Variants in SKIC8 observed in about 807,000 individuals in gnomAD.
SKIC8 encodes the protein superkiller complex protein 8.
At chr15:78,292,628 C>G in the SKIC8 span, 1 of 1,614,188 alleles carries the variant, frequency 6.2e-7, no homozygotes, top group South Asian at 1.1e-5. Context: ...GGTCCTGCAT[C>G]TATGGACTTT....
At chr15:78,295,090 CT>C in the SKIC8 span, 1 of 1,231,320 alleles carries the variant, frequency 8.1e-7, no homozygotes, top group Non-Finnish European at 1.2e-6. Context: ...GTTACTTCCT[CT>C]GCTGTCAACC....
the SKIC8 span, among the ~76,000 whole-genome samples, chr15:78,289,301 T>C: frequency 1.0e-3 from 157 of 152,206 alleles, no homozygotes; most frequent in African/African-American, 3.7e-3. Flanking sequence ...TAGTCCCAGC[T>C]ACCCAGGAGG....
chr15:78,293,100 G>A, the SKIC8 span: 1 of 1,391,664 alleles, frequency 7.2e-7, no homozygotes, highest in Non-Finnish European at 1.0e-6. Flanking sequence ...ACTGCAACTG[G>A]AGAGTTCAGA....
At chr15:78,293,872 T>C in the SKIC8 span, among the ~76,000 whole-genome samples, 1 of 152,120 alleles carries the variant, frequency 6.6e-6, no homozygotes. Flanking sequence ...TCAAATCCAA[T>C]CTCTATTAAT....
the SKIC8 span, among the ~76,000 whole-genome samples, chr15:78,289,178 G>A: frequency 7.4e-4 from 113 of 152,136 alleles, no homozygotes; most frequent in Non-Finnish European, 1.5e-3. Context: ...ACTTTGGGAG[G>A]CCAAAGCAGG....
chr15:78,294,292 C>T, the SKIC8 span, among the ~76,000 whole-genome samples: 13 of 152,170 alleles, frequency 8.5e-5, no homozygotes, highest in African/African-American at 3.1e-4. Flanking sequence ...TTAGGCATTC[C>T]ACAAATTCCT....
chr15:78,290,146 C>T, the SKIC8 span: 2 of 1,553,524 alleles, frequency 1.3e-6, no homozygotes, highest in South Asian at 2.4e-5. Context: ...AAAGACTTGG[C>T]CTTAATTTTA....
the SKIC8 span, chr15:78,295,309 A>G: frequency 1.8e-6 from 1 of 555,878 alleles, no homozygotes; most frequent in Non-Finnish European, 3.2e-6. Flanking sequence ...TGCAGCTGCA[A>G]TAAGAACACA....
At chr15:78,293,509 C>T in the SKIC8 span, among the ~76,000 whole-genome samples, 1 of 152,174 alleles carries the variant, frequency 6.6e-6, no homozygotes, top group African/African-American at 2.4e-5. Flanking sequence ...ACTTCGGACT[C>T]TAAATCCAGT....
At chr15:78,298,029 A>G in the SKIC8 span, among the ~76,000 whole-genome samples, 3 of 152,216 alleles carry the variant, frequency 2.0e-5, no homozygotes, top group Non-Finnish European at 2.9e-5. Flanking sequence ...CTGGGATTAC[A>G]GACAGGTTGG....
chr15:78,298,143 A>T, the SKIC8 span, among the ~76,000 whole-genome samples: 4 of 151,988 alleles, frequency 2.6e-5, no homozygotes, highest in Non-Finnish European at 5.9e-5. Context: ...ATGGTATTCA[A>T]CCTCTGCTTC....
chr15:78,292,885 T>C, the SKIC8 span: 1 of 1,359,714 alleles, frequency 7.4e-7, no homozygotes, highest in South Asian at 1.3e-5. Flanking sequence ...ATACCAATGG[T>C]CTATGAAATA....
At chr15:78,284,213 A>C in the SKIC8 span, 1 of 152,172 alleles carries the variant, frequency 6.6e-6, no homozygotes, top group African/African-American at 2.4e-5. Flanking sequence ...ATTGGGCTGC[A>C]TGATGGCCTT....
the SKIC8 span, chr15:78,288,162 G>T: frequency 1.1e-6 from 1 of 911,310 alleles, no homozygotes; most frequent in Non-Finnish European, 1.6e-6. Context: ...GGACCGCCTG[G>T]GGAGTCAAGG....
At chr15:78,289,420 A>G in the SKIC8 span, among the ~76,000 whole-genome samples, 55 of 152,196 alleles carry the variant, frequency 3.6e-4, no homozygotes, top group African/African-American at 1.3e-3. Flanking sequence ...AAGAAAACAA[A>G]CAAACAAACA....
chr15:78,297,317 A>G, the SKIC8 span, among the ~76,000 whole-genome samples: 2 of 152,250 alleles, frequency 1.3e-5, no homozygotes, highest in Non-Finnish European at 2.9e-5. Context: ...GCATCAGGCA[A>G]CTAAAATTTT....
chr15:78,295,954 T>G, the SKIC8 span: 701 of 396,006 alleles, frequency 1.8e-3, 6 homozygotes, highest in Non-Finnish European at 3.3e-4. Flanking sequence ...TATCCCATGG[T>G]TTCTTCACCT....
the SKIC8 span, chr15:78,291,906 A>G: frequency 6.6e-6 from 1 of 152,228 alleles, no homozygotes. Context: ...TTGTGCAGCC[A>G]TTTATAAGTA....
the SKIC8 span, chr15:78,295,417 T>G: frequency 0.048 from 23,995 of 504,904 alleles, 851 homozygotes; most frequent in South Asian, 0.076. Flanking sequence ...TTTTTTTTTT[T>G]TGTACAACAT....
Sources: gnomAD v4.1 joint callset for allele counts (sites outside exome capture counted in the v4.1 genomes callset) on GRCh38, gnomAD v4.1.1 for gene constraint, MANE v1.5 for transcripts, NCBI Gene and HGNC (gene_info 2026-07-23, HGNC 2026-07-21) for gene names.